The following CWF19L2 variants were observed in gnomAD, a reference collection of about 807,000 sequenced individuals.
CWF19L2 encodes the protein CWF19 like cell cycle control factor 2.
In CWF19L2, 98 loss-of-function variants were observed where a neutral mutation model predicts 111.7. The ratio of observed to expected loss-of-function variants is 0.88; its 90% CI spans 0.75 to 1.04. The LOEUF (loss-of-function observed/expected upper bound fraction) is 1.04, where lower values mean the gene tolerates loss of function less well. CWF19L2 is among the 50% of genes least tolerant of loss of function. CWF19L2 has a pLI of 0.00. For synonymous variants in CWF19L2, 351 were observed against 342.9 expected, an observed-to-expected ratio of 1.02 and a Z score of -0.26; for missense variants, 1,101 against 1,051.4, an observed-to-expected ratio of 1.05 and a Z score of -0.65.
intron 10 of CWF19L2, among the ~76,000 whole-genome samples, chr11:107,408,662 G>C (rs1203521643): frequency 2.6e-5 from 4 of 151,878 alleles, no homozygotes; most frequent in Non-Finnish European, 1.5e-5. Flanking sequence ...AGAAATGACA[G>C]ATACTTTAAG....
At chr11:107,386,816 G>C (rs925930595) in intron 12 of CWF19L2, among the ~76,000 whole-genome samples, 4 of 152,130 alleles carry the variant, frequency 2.6e-5, no homozygotes, top group African/African-American at 9.7e-5. Flanking sequence ...AGCACTTTGG[G>C]AGTCTGAGAT....
chr11:107,419,750 A>G (rs1861277739), intron 8 of CWF19L2, among the ~76,000 whole-genome samples: 1 of 152,194 alleles, frequency 6.6e-6, no homozygotes, highest in Non-Finnish European at 1.5e-5. Flanking sequence ...AAAATGAAAC[A>G]GAGAAAAGAA....
At chr11:107,415,619 G>A (rs759445159) in intron 10 of CWF19L2, among the ~76,000 whole-genome samples, 13 of 152,310 alleles carry the variant, frequency 8.5e-5, no homozygotes, top group Middle Eastern at 3.4e-3. Flanking sequence ...GACTCATACA[G>A]AAGCAATCAG....
In CWF19L2 at chr11:107,333,041, C is replaced by T. The variant is rs575313806; in HGVS notation, c.2439+1840G>A. Among the ~76,000 whole-genome samples, 4 of 151,456 alleles carry T rather than the reference C, an allele frequency of 2.6e-5. No homozygotes were observed. The South Asian group carries it at 8.3e-4, about 32-fold the overall frequency. On this transcript the variant is annotated intron_variant, in intron 16 of 17. Coordinates refer to ENST00000282251, the MANE Select transcript of CWF19L2 (RefSeq NM_152434.3). Reference sequence around the variant, plus strand: ...GCAGACGCAGGAGAATCACTTGAACCTGGGAGGTGGAGTGATCGTCACTGG... The same window carrying T: ...GCAGACGCAGGAGAATCACTTGAACTTGGGAGGTGGAGTGATCGTCACTGG...
chr11:107,335,315 T>C (rs1220725765), intron 15 of CWF19L2, among the ~76,000 whole-genome samples: 1 of 152,200 alleles, frequency 6.6e-6, no homozygotes, highest in Non-Finnish European at 1.5e-5. Flanking sequence ...ATAAATTCAT[T>C]TAGTTTTACT....
intron 4 of CWF19L2, among the ~76,000 whole-genome samples, chr11:107,442,648 C>T (rs61906058): frequency 0.18 from 26,882 of 149,748 alleles, 2,495 homozygotes; most frequent in South Asian, 0.25. Context: ...TGTGCCACTG[C>T]GGCCCAGCCT....
At chr11:107,395,901 G>A (rs1362293162) in intron 10 of CWF19L2, among the ~76,000 whole-genome samples, 1 of 151,644 alleles carries the variant, frequency 6.6e-6, no homozygotes, top group Non-Finnish European at 1.5e-5. Flanking sequence ...CTGTCACAGT[G>A]TCAAACAATA....
In CWF19L2 at chr11:107,346,645, C is replaced by A. The variant is rs1860084768; in HGVS notation, c.2202+2292G>T. On this transcript the variant is annotated intron_variant, in intron 14 of 17. Transcript: ENST00000282251. ...TAAAAAAGCAATCAACATGACAGAT[C>A]CCCTCCTCATGATCAGAACACTACA... 2.6e-5 allele frequency among the ~76,000 whole-genome samples: 4 copies of A among 152,130 alleles called. No individual in the cohort carries two copies. The South Asian group carries it at 8.3e-4, about 31-fold the overall frequency.
chr11:107,403,381 CA>C, intron 10 of CWF19L2: 1 of 717,404 alleles, frequency 1.4e-6, no homozygotes. Flanking sequence ...ATTTAGAACA[CA>C]TAAAACATGG....
intron 12 of CWF19L2, among the ~76,000 whole-genome samples, chr11:107,368,912 A>G (rs573441382): frequency 7.2e-6 from 1 of 137,986 alleles, no homozygotes; most frequent in Non-Finnish European, 1.6e-5. Context: ...TCAGAAATGT[A>G]AAAGGAGACA....
In CWF19L2 at chr11:107,329,957, G is replaced by T; in HGVS notation, c.2502C>A (p.Val834=). 7 of 1,592,978 alleles carry T rather than the reference G, an allele frequency of 4.4e-6. No individual in the cohort carries two copies. The highest frequency in any genetic ancestry group is 6.0e-6 in the Non-Finnish European group (7 of 1,169,676). Residue 834 remains valine (V), a synonymous_variant, in exon 17 of 18, where the codon GTC becomes GTA. Coordinates refer to ENST00000282251, the MANE Select transcript of CWF19L2 (RefSeq NM_152434.3). ...GAGGGAATTTGTGCTGATCTTCAAT[G>T]ACATGGGCAAACCCTCCGTGAAGGC... ...DFGLHGGFAH[V]IEDQHKFPHY...
chr11:107,382,950 T>C (rs1197785335), intron 12 of CWF19L2, among the ~76,000 whole-genome samples: 3 of 152,224 alleles, frequency 2.0e-5, no homozygotes, highest in Non-Finnish European at 4.4e-5. Flanking sequence ...CCAAGAGGAC[T>C]GGGTTCAGAG....
At position 107,429,143 on chromosome 11, in the gene CWF19L2, A is replaced by G. The variant is rs1392097153; in HGVS notation, c.1089T>C (p.Asn363=). 8.7e-6 allele frequency: 14 copies of G among 1,613,590 alleles called. No individual in the cohort carries two copies. Among genetic ancestry groups the G allele is most frequent in the Non-Finnish European group, 1.2e-5 (14 of 1,179,786 alleles). The change falls in exon 8 of 18, where the codon AAT becomes AAC. Residue 363 remains asparagine, a synonymous_variant. Coordinates refer to ENST00000282251, the MANE Select transcript of CWF19L2 (RefSeq NM_152434.3). ...PRQNQEFSFG[N]LRAKFLRPSD... ...AGGGTCTCAAGAATTTAGCTCTCAA[A>G]TTGCCAAAAGAAAACTCTTGATTTT...
At chr11:107,419,099 G>A (rs1418387649) in intron 8 of CWF19L2, among the ~76,000 whole-genome samples, 1 of 152,208 alleles carries the variant, frequency 6.6e-6, no homozygotes, top group Non-Finnish European at 1.5e-5. Context: ...ACCACCTGCA[G>A]TCAGGGAAAG....
chr11:107,348,887 A>C, intron 14 of CWF19L2, 50 bp downstream of exon 14: 1 of 1,066,290 alleles, frequency 9.4e-7, no homozygotes, highest in Non-Finnish European at 1.4e-6. Context: ...AATAATTTAC[A>C]AAAATTGCTC....
In CWF19L2 at chr11:107,326,611, A is replaced by C; in HGVS notation, c.*299T>G. The stretch of plus-strand genomic sequence containing the variant: ...ATGCTTTTTAGATATCCCTTCAGAA[A>C]AGGCCTTCTCTAAATTAACTGAACA... On this transcript the variant is annotated 3_prime_UTR_variant, in exon 18 of 18. Coordinates refer to ENST00000282251, the MANE Select transcript of CWF19L2 (RefSeq NM_152434.3). 4.2e-6 allele frequency: 1 copy of C among 237,588 alleles called. No homozygotes were observed. 14.7% of individuals were successfully genotyped at this position (237,588 alleles called of 1,614,324 possible).
chr11:107,345,779 G>A (rs548892841), intron 14 of CWF19L2, among the ~76,000 whole-genome samples: 3 of 152,058 alleles, frequency 2.0e-5, no homozygotes, highest in East Asian at 3.9e-4. Context: ...TAACAAATAC[G>A]CTATACAAAA....
At chr11:107,397,409 GAC>G (rs2135381382) in intron 10 of CWF19L2, among the ~76,000 whole-genome samples, 1 of 152,146 alleles carries the variant, frequency 6.6e-6, no homozygotes, top group South Asian at 2.1e-4. Flanking sequence ...CCACTTCCCT[GAC>G]AACCTGCATG....
In CWF19L2 at chr11:107,330,289, G is replaced by A. The variant is rs188206462; in HGVS notation, c.2440-270C>T. On this transcript the variant is annotated intron_variant, in intron 16 of 17. Transcript: ENST00000282251. ...TTTGCTGTCCTTGGGGAAAACCAAC[G>A]GGGGAAATTATACTTTTAAAAATAC... Among the ~76,000 whole-genome samples, 25 of 152,054 alleles carry A rather than the reference G, an allele frequency of 1.6e-4. No homozygotes were observed. In the East Asian group the frequency reaches 2.9e-3, roughly 18 times the overall value.
Sources: allele counts gnomAD v4.1 joint callset (sites outside exome capture counted in the v4.1 genomes callset), GRCh38; gene constraint gnomAD v4.1.1; transcripts MANE v1.5; gene names NCBI Gene and HGNC (gene_info 2026-07-23, HGNC 2026-07-21).